NARS1: variants seen among roughly 807,000 people sequenced by gnomAD.
NARS1 encodes asparagine--tRNA ligase, cytoplasmic.
NARS1 carries 65 observed loss-of-function variants against 79.2 expected under a neutral mutation model. That is an observed-to-expected ratio of 0.82 (90% CI 0.67 to 1.01). The LOEUF (loss-of-function observed/expected upper bound fraction) is 1.01, where lower values mean the gene tolerates loss of function less well. Among genes scored for constraint, NARS1 ranks in the 50% least tolerant of loss-of-function variants. The probability of loss-of-function intolerance (pLI) is 0.00; values close to 1 mark genes in which losing one functional copy is unlikely to be tolerated. For synonymous variants in NARS1, 229 were observed against 238.8 expected (o/e 0.96, Z 0.38); for missense variants, 649 against 673.8 (o/e 0.96, Z 0.41).
intron 4 of NARS1, 94 bp downstream of exon 4, chr18:57,615,547 T>C (rs1907986065): frequency 1.2e-6 from 1 of 812,930 alleles, no homozygotes; most frequent in Non-Finnish European, 2.0e-6. Flanking sequence ...AAACAAAATG[T>C]AAAGGAACAA....
Position 57,613,620 on chromosome 18 carries a change from G to A in NARS1, c.403C>T (p.His135Tyr). Residue 135 changes from histidine (H) to tyrosine (Y), a missense_variant, in exon 5 of 14, where the codon CAC (histidine) becomes TAC (tyrosine). By Grantham distance (83) the His-to-Tyr change is moderately conservative. Coordinates refer to ENST00000256854, the MANE Select transcript of NARS1 (RefSeq NM_004539.4). The stretch of plus-strand genomic sequence containing the variant: ...CATTTACCTTGCCTGCGCAGCCTGT[G>A]GACCCAGCCAAACACCTTTACTCTT... Reference protein sequence around the residue: ...GQRVKVFGWVHRLRRQGKNLM... With the variant: ...GQRVKVFGWVYRLRRQGKNLM... The A allele has an allele frequency of 6.2e-7, 1 of 1,614,008 alleles. No individual in the cohort carries two copies. The highest frequency in any genetic ancestry group is 8.5e-7 in the Non-Finnish European group (1 of 1,179,904).
chr18:57,609,443 A>G lies in NARS1; in HGVS notation c.493T>C (p.Cys165Arg), dbSNP rs766331557. The change falls in exon 7 of 14, where the codon TGT (cysteine) becomes CGT (arginine). Residue 165 changes from cysteine (C) to arginine (R), a missense_variant and splice_region_variant. Cys to Arg is a radical substitution (Grantham distance 180). Coordinates refer to ENST00000256854, the MANE Select transcript of NARS1 (RefSeq NM_004539.4). ...AAGAGAACTCCATTGTAGCACTGAC[A>G]CTATAAAAAGGTCAAAGCTCAAATT... is the stretch of plus-strand genomic sequence containing the variant. The part of the protein sequence containing the change: ...YLQCVLADEL[C>R]QCYNGVLLST... 1 of 1,612,154 alleles carries G rather than the reference A, an allele frequency of 6.2e-7. No individual in the cohort carries two copies. Among genetic ancestry groups the G allele is most frequent in the African/African-American group, 1.3e-5 (1 of 74,870 alleles).
chr18:57,621,677 A>C, intron 1 of NARS1, 31 bp downstream of exon 1: 1 of 1,598,994 alleles, frequency 6.3e-7, no homozygotes, highest in Admixed American at 1.7e-5. Flanking sequence ...CCAGGCAGGG[A>C]ACACCGCGCC....
At position 57,606,520 on chromosome 18, in the gene NARS1, C is replaced by T. The variant is rs1040593541; in HGVS notation, c.1137+96G>A. ...AAATAATTAGTCACTTATTTCAGCTCACCAAGCCATCAAATCTACAAAAAC... is the reference window on the plus strand; with the variant it reads ...AAATAATTAGTCACTTATTTCAGCTTACCAAGCCATCAAATCTACAAAAAC... On this transcript the variant is annotated intron_variant, in intron 10 of 13. Transcript: ENST00000256854. 109 of 1,232,500 alleles carry T rather than the reference C, an allele frequency of 8.8e-5. 1 individual carries two copies. Among genetic ancestry groups the T allele is most frequent in the Non-Finnish European group, 1.2e-4 (106 of 878,410 alleles). The allele number at this position is 1,232,500 out of a possible 1,614,324, so 76.3% of individuals were successfully genotyped here.
intron 2 of NARS1, among the ~76,000 whole-genome samples, chr18:57,618,247 C>T (rs1320225800): frequency 6.7e-6 from 1 of 150,310 alleles, no homozygotes; most frequent in Non-Finnish European, 1.5e-5. Flanking sequence ...CGAGATCATG[C>T]CACTGCACTC....
chr18:57,621,621 G>A (rs2122466251), intron 1 of NARS1, 87 bp downstream of exon 1: 1 of 1,044,996 alleles, frequency 9.6e-7, no homozygotes, highest in Non-Finnish European at 1.4e-6. Flanking sequence ...CACTCTGGTA[G>A]GCACTAAGGA....
At chr18:57,612,568 T>C (rs2051613117) in intron 5 of NARS1, among the ~76,000 whole-genome samples, 1 of 152,076 alleles carries the variant, frequency 6.6e-6, no homozygotes, top group Non-Finnish European at 1.5e-5. Flanking sequence ...CTAGAGTAGC[T>C]GGGATTACAG....
At chr18:57,614,738 C>G (rs771343119) in intron 4 of NARS1, among the ~76,000 whole-genome samples, 53 of 152,146 alleles carry the variant, frequency 3.5e-4, no homozygotes, top group Non-Finnish European at 6.5e-4. Flanking sequence ...CATCATGAAG[C>G]GTAGCCAGGC....
intron 6 of NARS1, 40 bp from the exon 7 acceptor site, chr18:57,609,483 G>A (rs371501588): frequency 1.3e-6 from 2 of 1,534,788 alleles, no homozygotes; most frequent in South Asian, 2.3e-5. Context: ...TATTCACATT[G>A]ATTTAAAAAT....
chr18:57,610,551 G>A (rs1386623305), intron 6 of NARS1, among the ~76,000 whole-genome samples: 1 of 152,184 alleles, frequency 6.6e-6, no homozygotes, highest in South Asian at 2.1e-4. Flanking sequence ...CTTTGCCCAT[G>A]AAGTAGTTGT....
Position 57,621,623 on chromosome 18 carries a change from C to T in NARS1, c.10+85G>A, listed in dbSNP as rs183939355. 453 of 990,170 alleles carry T rather than the reference C, an allele frequency of 4.6e-4. 1 individual carries two copies. The African/African-American group carries it at 6.2e-3, about 14-fold the overall frequency. The allele number at this position is 990,170 out of a possible 1,614,324, so 61.3% of individuals were successfully genotyped here. The stretch of plus-strand genomic sequence containing the variant: ...TTCGCGGGGCGCCCACTCTGGTAGG[C>T]ACTAAGGAAAGCGCCGAAACCCGAC... On this transcript the variant is annotated intron_variant, in intron 1 of 13. Transcript: ENST00000256854.
Position 57,605,953 on chromosome 18 carries a change from T to C in NARS1, c.1155A>G (p.Lys385=). The C allele has an allele frequency of 6.2e-7, 1 of 1,612,874 alleles. No homozygotes were observed. Among genetic ancestry groups the C allele is most frequent in the Non-Finnish European group, 8.5e-7 (1 of 1,179,302 alleles). ...HELNPNFQPP[K]RPFKRMNYSD... ...AATAGTTCATCCGTTTGAAAGGCCG[T>C]TTGGGGGGCTGAAAGTTCTACAGAA... is the stretch of plus-strand genomic sequence containing the variant. The change falls in exon 11 of 14, where the codon AAA becomes AAG. Residue 385 remains lysine, a synonymous_variant. Transcript: ENST00000256854.
At chr18:57,609,161 C>A (rs747054937) in intron 7 of NARS1, among the ~76,000 whole-genome samples, 196 bp downstream of exon 7, 2 of 152,212 alleles carry the variant, frequency 1.3e-5, no homozygotes, top group Non-Finnish European at 2.9e-5. Context: ...TTGCAGATGG[C>A]CTATCGTGGG....
intron 1 of NARS1, 72 bp from the exon 2 acceptor site, chr18:57,620,723 C>T: frequency 5.8e-6 from 5 of 859,422 alleles, no homozygotes; most frequent in East Asian, 2.5e-5. Context: ...TTATTCATTC[C>T]TTATCTTTGT....
intron 2 of NARS1, 46 bp downstream of exon 2, chr18:57,620,523 T>C: frequency 7.8e-7 from 1 of 1,289,536 alleles, no homozygotes; most frequent in South Asian, 1.3e-5. Flanking sequence ...TTGACATAAC[T>C]CATTAATAAA....
chr18:57,607,656 C>T lies in NARS1; in HGVS notation c.589G>A (p.Gly197Ser), dbSNP rs946646963. The change falls in exon 8 of 14, where the codon GGC (glycine) becomes AGC (serine). Residue 197 changes from glycine (G) to serine (S), a missense_variant. By Grantham distance (56) the Gly-to-Ser change is moderately conservative (BLOSUM62 0). Transcript: ENST00000256854. Reference protein sequence around the residue: ...LTPKGKQAPGGHELSCDFWEL... With the variant: ...LTPKGKQAPGSHELSCDFWEL... Reference sequence around the variant, plus strand: ...CAGAAGTCACAACTCAGCTCATGGCCACCTGGAGCCTGCATTTTTTAAAAG... The same window carrying T: ...CAGAAGTCACAACTCAGCTCATGGCTACCTGGAGCCTGCATTTTTTAAAAG... 1 of 1,607,432 alleles carries T rather than the reference C, an allele frequency of 6.2e-7. No individual in the cohort carries two copies. Among genetic ancestry groups the T allele is most frequent in the African/African-American group, 1.3e-5 (1 of 74,604 alleles).
chr18:57,619,164 G>A (rs993192942), intron 2 of NARS1, among the ~76,000 whole-genome samples: 2 of 151,588 alleles, frequency 1.3e-5, no homozygotes, highest in Non-Finnish European at 2.9e-5. Flanking sequence ...ATGCAATCAC[G>A]GCTCACTGCA....
intron 5 of NARS1, among the ~76,000 whole-genome samples, chr18:57,612,724 C>T (rs1293814015): frequency 6.6e-6 from 1 of 152,262 alleles, no homozygotes; most frequent in Non-Finnish European, 1.5e-5. Context: ...GCGTGAGCCA[C>T]CGCACCTGGC....
chr18:57,615,727 C>G lies in NARS1; in HGVS notation c.256G>C (p.Glu86Gln). The change falls in exon 4 of 14, where the codon GAA becomes CAA. Residue 86 changes from glutamate (E) to glutamine (Q), a missense_variant. Glu to Gln is a conservative substitution (Grantham distance 29). Coordinates refer to ENST00000256854, the MANE Select transcript of NARS1 (RefSeq NM_004539.4). ...KSESREKKEAEDSLRREKNLE... is the reference protein window; with the variant it reads ...KSESREKKEAQDSLRREKNLE... ...TTCTTTTCTCTTCGTAAACTATCTT[C>G]TGCCTAATTTTAATGATGAAGCAGT... 6.2e-7 allele frequency: 1 copy of G among 1,611,908 alleles called. No homozygotes were observed. Among genetic ancestry groups the G allele is most frequent in the Non-Finnish European group, 8.5e-7 (1 of 1,179,124 alleles).
Sources: gnomAD v4.1 joint callset for allele counts (sites outside exome capture counted in the v4.1 genomes callset) on GRCh38, gnomAD v4.1.1 for gene constraint, MANE v1.5 for transcripts, NCBI Gene and HGNC (gene_info 2026-07-23, HGNC 2026-07-21) for gene names.